Variants in MYO5B observed in about 807,000 individuals in gnomAD.
The protein encoded by MYO5B is unconventional myosin-Vb.
Under a neutral mutation model 229.3 loss-of-function variants are expected in MYO5B, and 143 were observed. The ratio of observed to expected loss-of-function variants is 0.62; its 90% CI spans 0.54 to 0.72. The LOEUF is 0.72. Ranked by LOEUF, MYO5B falls within the 30% of genes least tolerant of loss-of-function variation. The pLI, the probability that MYO5B is intolerant of heterozygous loss-of-function variation, is 0.00. For synonymous variants in MYO5B, 918 were observed against 885.2 expected, an observed-to-expected ratio of 1.04 and a Z score of -0.66; for missense variants, 2,321 against 2,331.0, an observed-to-expected ratio of 1.00 and a Z score of 0.09.
chr18:49,853,502 G>C lies in MYO5B; in HGVS notation c.4168C>G (p.Gln1390Glu). The C allele has an allele frequency of 6.2e-7, 1 of 1,614,180 alleles. No homozygotes were observed. The highest frequency in any genetic ancestry group is 8.5e-7 in the Non-Finnish European group (1 of 1,180,034). Reference sequence around the variant, plus strand: ...TCCTGCTGAACGCCGAATTCCACCTGGGCCTCTGGGGAGAGCAGTAGCGTC... The same window carrying C: ...TCCTGCTGAACGCCGAATTCCACCTCGGCCTCTGGGGAGAGCAGTAGCGTC... ...CQTLLLSPEA[Q>E]VEFGVQQEIS... Residue 1390 changes from glutamine to glutamate, a missense_variant, in exon 31 of 40, where the codon CAG becomes GAG. Coordinates refer to ENST00000285039, the MANE Select transcript of MYO5B (RefSeq NM_001080467.3).
At chr18:50,186,849 A>G (rs1423608796) in intron 1 of MYO5B, among the ~76,000 whole-genome samples, 1 of 152,180 alleles carries the variant, frequency 6.6e-6, no homozygotes, top group Non-Finnish European at 1.5e-5. Flanking sequence ...CACAATATCC[A>G]GGGTGTCCAC....
chr18:50,057,454 C>T (rs570383138), intron 1 of MYO5B, among the ~76,000 whole-genome samples: 3 of 152,306 alleles, frequency 2.0e-5, no homozygotes, highest in South Asian at 4.1e-4. Flanking sequence ...AGGAACCGAA[C>T]GGAGGTGATG....
chr18:50,001,562 C>T (rs2026047562), intron 4 of MYO5B, 151 bp from the exon 5 acceptor site: 9 of 966,016 alleles, frequency 9.3e-6, no homozygotes, highest in Non-Finnish European at 1.5e-5. Flanking sequence ...AATAGTCTGC[C>T]CTCCCCGACA....
intron 1 of MYO5B, among the ~76,000 whole-genome samples, chr18:50,147,397 G>A (rs1289803710): frequency 6.6e-6 from 1 of 152,138 alleles, no homozygotes; most frequent in Non-Finnish European, 1.5e-5. Context: ...TTACTGCAGT[G>A]ACCTCCTGAT....
chr18:49,924,308 T>C (rs748262798), intron 17 of MYO5B, among the ~76,000 whole-genome samples: 3 of 152,234 alleles, frequency 2.0e-5, no homozygotes, highest in Admixed American at 6.5e-5. Context: ...CAGTGCTGGC[T>C]GAGAACTCTA....
Position 49,878,926 on chromosome 18 carries a change from G to A in MYO5B, c.3276+19C>T. Reference sequence around the variant, plus strand: ...AGCCAGGGACCTGTGCCATGGCACAGCAGAAGCACCCCCCTTGCCTTTATG... The same window carrying A: ...AGCCAGGGACCTGTGCCATGGCACAACAGAAGCACCCCCCTTGCCTTTATG... On this transcript the variant is annotated intron_variant, in intron 24 of 39. Transcript: ENST00000285039. 6.2e-7 allele frequency: 1 copy of A among 1,614,014 alleles called. No homozygotes were observed. The highest frequency in any genetic ancestry group is 8.5e-7 in the Non-Finnish European group (1 of 1,179,972).
intron 1 of MYO5B, chr18:50,099,268 C>T (rs192939751): frequency 6.6e-6 from 1 of 152,184 alleles, no homozygotes; most frequent in East Asian, 1.9e-4. Context: ...ACACCTGAAA[C>T]AAAAAAGGCA....
At chr18:49,932,934 T>A (rs745369766) in intron 16 of MYO5B, among the ~76,000 whole-genome samples, 1 of 152,106 alleles carries the variant, frequency 6.6e-6, no homozygotes, top group Non-Finnish European at 1.5e-5. Flanking sequence ...TGGAGGACCA[T>A]AGCAAGGACA....
chr18:49,877,251 GTGAC>G (rs1392498247), intron 25 of MYO5B, among the ~76,000 whole-genome samples: 3 of 152,200 alleles, frequency 2.0e-5, no homozygotes, highest in Non-Finnish European at 4.4e-5. Flanking sequence ...GGTATATTTA[GTGAC>G]TGACTAAGAG....
rs115534476 is a variant in MYO5B, at chr18:50,101,055, A to G, written c.28-45677T>C. Among the ~76,000 whole-genome samples the G allele has an allele frequency of 3.0e-3, 460 of 152,354 alleles. 2 individuals carry two copies. The highest frequency in any genetic ancestry group is 0.01 in the African/African-American group (433 of 41,574). On this transcript the variant is annotated intron_variant, in intron 1 of 39. Transcript: ENST00000285039. ...TGAATAAGCTCCGTGGATCTAACCT[A>G]CAGCATGGGGACAATAGTTCACAAT... is the stretch of plus-strand genomic sequence containing the variant.
At chr18:49,914,775 C>CA (rs5824810) in intron 17 of MYO5B, among the ~76,000 whole-genome samples, 9,483 of 105,974 alleles carry the variant, frequency 0.089, 599 homozygotes, top group African/African-American at 0.2. Flanking sequence ...GACCTTGTCT[C>CA]AAAAAAAAAA....
intron 1 of MYO5B, among the ~76,000 whole-genome samples, chr18:50,098,009 T>G (rs981245793): frequency 1.3e-5 from 2 of 152,048 alleles, no homozygotes; most frequent in Non-Finnish European, 2.9e-5. Flanking sequence ...GTGGTATGAG[T>G]CAGGAAAGGA....
chr18:50,082,209 C>A (rs764995859), intron 1 of MYO5B, among the ~76,000 whole-genome samples: 33 of 152,266 alleles, frequency 2.2e-4, no homozygotes, highest in Non-Finnish European at 4.4e-4. Flanking sequence ...AGGAGGCAGG[C>A]AAAGTGCCAG....
chr18:49,935,846 T>C (rs1181426559), intron 16 of MYO5B, among the ~76,000 whole-genome samples: 1 of 152,250 alleles, frequency 6.6e-6, no homozygotes, highest in African/African-American at 2.4e-5. Flanking sequence ...AACAGGACCA[T>C]GTTCATGTCC....
chr18:50,015,618 T>C (rs1457857551), intron 4 of MYO5B, among the ~76,000 whole-genome samples: 1 of 152,216 alleles, frequency 6.6e-6, no homozygotes, highest in African/African-American at 2.4e-5. Context: ...GCAGCAGGTG[T>C]GCCCAGGGCA....
intron 1 of MYO5B, among the ~76,000 whole-genome samples, chr18:50,092,694 C>A (rs2031472847): frequency 6.6e-6 from 1 of 151,996 alleles, no homozygotes; most frequent in Non-Finnish European, 1.5e-5. Context: ...AAGCTGCAAT[C>A]ATGAATGAAT....
chr18:49,991,254 AT>A (rs1303799101), intron 6 of MYO5B, among the ~76,000 whole-genome samples: 4 of 152,222 alleles, frequency 2.6e-5, no homozygotes, highest in Admixed American at 2.0e-4. Context: ...TGGTTAAAAA[AT>A]TCATTAGATG....
At chr18:49,902,119 A>T (rs920434083) in intron 21 of MYO5B, among the ~76,000 whole-genome samples, 1 of 152,180 alleles carries the variant, frequency 6.6e-6, no homozygotes, top group Admixed American at 6.5e-5. Flanking sequence ...ACAGCTCTGG[A>T]GGTCAGGAGT....
In MYO5B at chr18:49,826,562, G is replaced by A. The variant is rs1239954194; in HGVS notation, c.5456C>T (p.Pro1819Leu). ...QLLLDAKHMF[P>L]VLFPFNPSSL... is the part of the protein sequence containing the mutation. ...AGATGGATTAAATGGAAACAAAACA[G>A]GAAACATGTGCTTGGCATCTAATAG... The change falls in exon 40 of 40, where the codon CCT (proline) becomes CTT (leucine). Residue 1819 changes from proline to leucine, a missense_variant. Around this residue, in one of 2 missense-constraint regions of MYO5B, gnomAD observed 208 missense variants for 286.3 expected, o/e 0.73. Coordinates refer to ENST00000285039, the MANE Select transcript of MYO5B (RefSeq NM_001080467.3). 1.9e-6 allele frequency: 3 copies of A among 1,614,050 alleles called. No homozygotes were observed. Among genetic ancestry groups the A allele is most frequent in the Non-Finnish European group, 2.5e-6 (3 of 1,179,946 alleles).
Sources: gnomAD v4.1 joint callset for allele counts (sites outside exome capture counted in the v4.1 genomes callset) on GRCh38, gnomAD v4.1.1 for gene constraint, gnomAD v4.1.1 regional missense constraint, MANE v1.5 for transcripts, NCBI Gene and HGNC (gene_info 2026-07-23, HGNC 2026-07-21) for gene names.